RTL4: variants seen among roughly 807,000 people sequenced by gnomAD.
RTL4 encodes retrotransposon Gag-like protein 4.
Under a neutral mutation model 5.3 loss-of-function variants are expected in RTL4, and 4 were observed. The ratio of observed to expected loss-of-function variants is 0.75; its 90% CI spans 0.37 to 1.72. RTL4 has a LOEUF of 1.72. Among genes scored for constraint, RTL4 ranks in the 40% most tolerant of loss-of-function variants. RTL4 has a pLI of 0.04. For missense variants in RTL4, 260 were observed against 227.1 expected (o/e 1.14, Z -0.93); for synonymous variants, 98 against 87.3 (o/e 1.12, Z -0.68).
chrX:112,271,410 T>C, the RTL4 span, among the ~76,000 whole-genome samples: 2 of 113,517 alleles, frequency 1.8e-5, no homozygotes, highest in Admixed American at 9.3e-5. Flanking sequence ...GCATGCTTTG[T>C]TCAAAGACCT....
At chrX:112,393,964 T>C in the RTL4 span, among the ~76,000 whole-genome samples, 1 of 111,887 alleles carries the variant, frequency 8.9e-6, no homozygotes, top group East Asian at 2.8e-4. Context: ...TTTGGGTCTC[T>C]GCGTGTGCCA....
At chrX:112,197,799 A>G in the RTL4 span, among the ~76,000 whole-genome samples, 68 of 110,867 alleles carry the variant, frequency 6.1e-4, 1 homozygote, top group Non-Finnish European at 1.0e-3. Context: ...GTATTTTTGC[A>G]TTTGTTTGTC....
chrX:112,149,902 G>A, the RTL4 span, among the ~76,000 whole-genome samples: 10 of 111,824 alleles, frequency 8.9e-5, no homozygotes, highest in African/African-American at 3.3e-4. Flanking sequence ...ATTTTAAGAA[G>A]TAAGGTGGAC....
chrX:112,160,108 G>A, the RTL4 span, among the ~76,000 whole-genome samples: 2 of 112,227 alleles, frequency 1.8e-5, no homozygotes, highest in South Asian at 7.4e-4. Flanking sequence ...ATATTTTGGA[G>A]TTATACAGGG....
chrX:112,161,847 T>TCC, the RTL4 span, among the ~76,000 whole-genome samples: 52 of 42,254 alleles, frequency 1.2e-3, no homozygotes, highest in African/African-American at 3.5e-3. Flanking sequence ...CTTCCTTCCT[T>TCC]TCTTTCTTTC....
upstream of RTL4, among the ~76,000 whole-genome samples, chrX:112,451,058 T>C (rs1371002111): frequency 8.9e-6 from 1 of 112,032 alleles, no homozygotes; most frequent in Non-Finnish European, 1.9e-5. Context: ...AATTATGGGA[T>C]GTTTCCCAGA....
the RTL4 span, among the ~76,000 whole-genome samples, chrX:112,225,646 C>T: frequency 9.0e-6 from 1 of 111,521 alleles, no homozygotes; most frequent in African/African-American, 3.3e-5. Flanking sequence ...TGGAGGCAGG[C>T]TCTTATTAAA....
At chrX:112,263,201 A>AT in the RTL4 span, among the ~76,000 whole-genome samples, 3 of 59,127 alleles carry the variant, frequency 5.1e-5, no homozygotes, top group African/African-American at 2.5e-4. Flanking sequence ...CTTAAAGTAT[A>AT]AAAAAAAAAA....
the RTL4 span, among the ~76,000 whole-genome samples, chrX:112,090,159 C>CAT: frequency 5.5e-5 from 6 of 108,207 alleles, no homozygotes; most frequent in African/African-American, 1.3e-4. Context: ...TATATAAGAC[C>CAT]ATATATATAT....
the RTL4 span, among the ~76,000 whole-genome samples, chrX:112,274,399 G>C: frequency 3.6e-5 from 4 of 111,685 alleles, no homozygotes; most frequent in African/African-American, 1.3e-4. Context: ...AACACTTTAG[G>C]GGATTTGCAG....
At chrX:112,342,518 A>ATTGTTTACTTTTTGC in the RTL4 span, among the ~76,000 whole-genome samples, 8 of 111,750 alleles carry the variant, frequency 7.2e-5, no homozygotes, top group African/African-American at 9.8e-5. Context: ...TTGCCAAGTG[A>ATTGTTTACTTTTTGC]TTGTTTACTT....
At chrX:112,261,167 A>C in the RTL4 span, among the ~76,000 whole-genome samples, 2 of 111,944 alleles carry the variant, frequency 1.8e-5, no homozygotes, top group African/African-American at 6.5e-5. Context: ...ATGATTATAA[A>C]CATAGTGTTG....
the RTL4 span, among the ~76,000 whole-genome samples, chrX:112,415,153 A>T: frequency 8.9e-6 from 1 of 111,819 alleles, no homozygotes; most frequent in Non-Finnish European, 1.9e-5. Context: ...GAACACACTC[A>T]TATAACCAAC....
the RTL4 span, among the ~76,000 whole-genome samples, chrX:112,445,563 A>C: frequency 8.0e-5 from 9 of 111,951 alleles, no homozygotes; most frequent in Non-Finnish European, 1.5e-4. Context: ...CTAAATAAGA[A>C]CTTAAATCCA....
the RTL4 span, among the ~76,000 whole-genome samples, chrX:112,097,520 C>T: frequency 3.6e-5 from 4 of 110,735 alleles, no homozygotes; most frequent in East Asian, 1.1e-3. Flanking sequence ...TCTGTAGTCC[C>T]AGTTACTTGG....
At chrX:112,330,699 G>C in the RTL4 span, among the ~76,000 whole-genome samples, 4 of 111,382 alleles carry the variant, frequency 3.6e-5, no homozygotes, top group Non-Finnish European at 5.6e-5. Flanking sequence ...GCATCGCCAA[G>C]TCAATCTTAA....
the RTL4 span, among the ~76,000 whole-genome samples, chrX:112,096,429 A>C: frequency 8.1e-5 from 9 of 111,720 alleles, no homozygotes; most frequent in African/African-American, 2.6e-4. Flanking sequence ...TATGTTAACT[A>C]TATCAGTAGT....
At chrX:112,195,681 G>A in the RTL4 span, among the ~76,000 whole-genome samples, 566 of 111,445 alleles carry the variant, frequency 5.1e-3, no homozygotes, top group African/African-American at 0.017. Context: ...TAGGATTCTA[G>A]TTAATGGAGC....
chrX:112,316,068 G>T, the RTL4 span, among the ~76,000 whole-genome samples: 1 of 111,783 alleles, frequency 8.9e-6, no homozygotes, highest in Non-Finnish European at 1.9e-5. Context: ...AGTGGAGAAG[G>T]GTTTGTTTCT....
Sources: gnomAD v4.1 joint callset for allele counts (sites outside exome capture counted in the v4.1 genomes callset) on GRCh38, gnomAD v4.1.1 for gene constraint, MANE v1.5 for transcripts, NCBI Gene and HGNC (gene_info 2026-07-23, HGNC 2026-07-21) for gene names.